TBC1D31: variants seen among roughly 807,000 people sequenced by gnomAD.
The protein encoded by TBC1D31 is TBC1 domain family member 31, also known as WD repeat domain 67.
TBC1D31 carries 99 observed loss-of-function variants against 132.9 expected under a neutral mutation model. The ratio of observed to expected loss-of-function variants is 0.74; its 90% CI spans 0.63 to 0.88. The LOEUF (loss-of-function observed/expected upper bound fraction) is 0.88, where lower values mean the gene tolerates loss of function less well. TBC1D31 is among the 40% of genes least tolerant of loss of function. The pLI is 0.00. For synonymous variants in TBC1D31, 385 were observed against 419.4 expected, an observed-to-expected ratio of 0.92 and a Z score of 1.00; for missense variants, 1,134 against 1,256.6, an observed-to-expected ratio of 0.90 and a Z score of 1.48.
At chr8:123,078,270 A>G (rs1035273680) in intron 2 of TBC1D31, among the ~76,000 whole-genome samples, 2 of 152,154 alleles carry the variant, frequency 1.3e-5, no homozygotes, top group Non-Finnish European at 2.9e-5. Flanking sequence ...GGCTTTGATC[A>G]ACTAAATATA....
downstream of TBC1D31, among the ~76,000 whole-genome samples, chr8:123,156,201 G>A (rs1822981854): frequency 6.6e-6 from 1 of 152,184 alleles, no homozygotes; most frequent in Non-Finnish European, 1.5e-5. Context: ...AGCACTTTGG[G>A]AGGCCGAGGT....
At chr8:123,087,958 G>A (rs1815941197) in intron 4 of TBC1D31, among the ~76,000 whole-genome samples, 1 of 151,254 alleles carries the variant, frequency 6.6e-6, no homozygotes, top group African/African-American at 2.4e-5. Flanking sequence ...CCAGGCGGGG[G>A]GATCACCTGA....
intron 17 of TBC1D31, among the ~76,000 whole-genome samples, 152 bp from the exon 18 acceptor site, chr8:123,140,608 AT>A (rs1334644032): frequency 6.6e-6 from 1 of 151,984 alleles, no homozygotes; most frequent in Non-Finnish European, 1.5e-5. Context: ...TTACTCTGCC[AT>A]TTTTGCTGAT....
intron 11 of TBC1D31, among the ~76,000 whole-genome samples, chr8:123,125,486 T>C (rs1819947410): frequency 6.6e-6 from 1 of 152,238 alleles, no homozygotes; most frequent in African/African-American, 2.4e-5. Context: ...GGTTATTCCT[T>C]ATTACCATGC....
chr8:123,148,001 C>T (rs565195571), intron 20 of TBC1D31, among the ~76,000 whole-genome samples: 60 of 152,102 alleles, frequency 3.9e-4, no homozygotes, highest in Middle Eastern at 3.4e-3. Context: ...GTGGTACACA[C>T]CTGTAATCGC....
chr8:123,102,901 A>G (rs1586622846), intron 7 of TBC1D31: 1 of 152,286 alleles, frequency 6.6e-6, no homozygotes, highest in African/African-American at 2.4e-5. Flanking sequence ...ATTGTTTCTA[A>G]ATACAGGAAG....
rs1314430869 is a variant in TBC1D31, at chr8:123,126,089, C to T, written c.1604C>T (p.Pro535Leu). ...NWCQHWFEYF[P>L]NPPINILSMI... ...TGTCAACACTGGTTTGAATATTTTC[C>T]TAATCCTCCTATCAATATTCTTAGC... The change falls in exon 12 of 22, where the codon CCT (proline) becomes CTT (leucine). Residue 535 changes from proline (P) to leucine (L), a missense_variant. By Grantham distance (98) the Pro-to-Leu change is moderately conservative. Transcript: ENST00000287380. 1.9e-6 allele frequency: 3 copies of T among 1,606,844 alleles called. No homozygotes were observed. The highest frequency in any genetic ancestry group is 2.5e-6 in the Non-Finnish European group (3 of 1,176,864).
At chr8:123,091,270 A>G (rs904902463) in intron 4 of TBC1D31, among the ~76,000 whole-genome samples, 1 of 152,208 alleles carries the variant, frequency 6.6e-6, no homozygotes, top group South Asian at 2.1e-4. Flanking sequence ...GCAATAATCT[A>G]TCACAGTTAT....
chr8:123,146,815 G>A (rs912401888), intron 20 of TBC1D31, among the ~76,000 whole-genome samples: 2 of 151,786 alleles, frequency 1.3e-5, no homozygotes, highest in South Asian at 2.1e-4. Flanking sequence ...TTCCTGAGTC[G>A]CTGGGACTAC....
chr8:123,136,649 C>T (rs908102687), intron 17 of TBC1D31, among the ~76,000 whole-genome samples: 4 of 152,110 alleles, frequency 2.6e-5, no homozygotes, highest in Non-Finnish European at 5.9e-5. Context: ...TGGGGTTTCA[C>T]CATATTGGCC....
chr8:123,134,030 C>T (rs1184702953), intron 16 of TBC1D31, 84 bp from the exon 17 acceptor site: 3 of 1,015,258 alleles, frequency 3.0e-6, no homozygotes, highest in Admixed American at 2.2e-5. Context: ...GTTAGTAGGT[C>T]GTTCAGATTA....
In TBC1D31 at chr8:123,128,289, TCACCA is replaced by T; in HGVS notation, c.1894_1898del (p.His632SerfsTer3). 6.3e-7 allele frequency: 1 copy of T among 1,586,610 alleles called. No homozygotes were observed. Among genetic ancestry groups the T allele is most frequent in the Admixed American group, 1.7e-5 (1 of 58,172 alleles). ...ACCAAGTTTTCTTACAGTTTTTTTTTCACCATCGGAATAACCTGGATATAAATGTT... is the reference window on the plus strand; with the variant it reads ...ACCAAGTTTTCTTACAGTTTTTTTTTTCGGAATAACCTGGATATAAATGTT... On this transcript the variant is annotated frameshift_variant, in exon 14 of 22. Transcript: ENST00000287380. LOFTEE classifies it high-confidence loss of function.
At chr8:123,142,892 A>G (rs1821844633) in intron 19 of TBC1D31, among the ~76,000 whole-genome samples, 1 of 152,196 alleles carries the variant, frequency 6.6e-6, no homozygotes, top group Non-Finnish European at 1.5e-5. Flanking sequence ...TTACAATGTA[A>G]AAGATGCTGA....
intron 2 of TBC1D31, chr8:123,082,360 A>G (rs1054296376): frequency 5.6e-6 from 1 of 179,908 alleles, no homozygotes; most frequent in African/African-American, 2.4e-5. Flanking sequence ...AACCTCTCCT[A>G]TTTATGCTCC....
the TBC1D31 span, among the ~76,000 whole-genome samples, chr8:123,163,234 C>T: frequency 2.0e-5 from 3 of 151,506 alleles, no homozygotes; most frequent in African/African-American, 7.3e-5. Context: ...ATTTTTTAAA[C>T]AGCTTTACTG....
intron 13 of TBC1D31, among the ~76,000 whole-genome samples, chr8:123,127,365 G>A (rs1167850150): frequency 2.2e-5 from 3 of 138,486 alleles, no homozygotes. Context: ...CTGCCTCCCG[G>A]GTTCAAGAGA....
chr8:123,162,807 C>G, the TBC1D31 span, among the ~76,000 whole-genome samples: 1 of 152,106 alleles, frequency 6.6e-6, no homozygotes, highest in African/African-American at 2.4e-5. Flanking sequence ...AACGTAATGG[C>G]TTAAACAGCA....
chr8:123,148,662 C>G (rs1822469971), intron 20 of TBC1D31, among the ~76,000 whole-genome samples: 1 of 152,202 alleles, frequency 6.6e-6, no homozygotes, highest in African/African-American at 2.4e-5. Context: ...GTGCTTGTGC[C>G]AGAATGCTGG....
chr8:123,120,074 C>T lies in TBC1D31; in HGVS notation c.1456C>T (p.His486Tyr). The change falls in exon 11 of 22, where the codon CAC becomes TAC. Residue 486 changes from histidine (H) to tyrosine (Y), a missense_variant. By Grantham distance (83) the His-to-Tyr change is moderately conservative. Coordinates refer to ENST00000287380, the MANE Select transcript of TBC1D31 (RefSeq NM_145647.4). The stretch of plus-strand genomic sequence containing the variant: ...TCACAGAACCTTATCTGCATTAGCT[C>T]ACTGGTCTGTCATTTTTAGTGACAC... ...VLQRTLSALA[H>Y]WSVIFSDTPY... The T allele has an allele frequency of 2.5e-6, 4 of 1,605,774 alleles. No individual in the cohort carries two copies. The highest frequency in any genetic ancestry group is 3.4e-6 in the Non-Finnish European group (4 of 1,177,152).
Sources: gnomAD v4.1 joint callset for allele counts (sites outside exome capture counted in the v4.1 genomes callset) on GRCh38, gnomAD v4.1.1 for gene constraint, MANE v1.5 for transcripts, NCBI Gene and HGNC (gene_info 2026-07-23, HGNC 2026-07-21) for gene names.